Variants in MUC17 observed in about 807,000 individuals in gnomAD.
MUC17 encodes mucin-17.
MUC17 carries 190 observed loss-of-function variants against 170.3 expected under a neutral mutation model. The ratio of observed to expected loss-of-function variants is 1.12; its 90% confidence interval spans 0.99 to 1.26. MUC17 has a LOEUF of 1.26. Ranked by LOEUF, MUC17 falls within the 50% of genes most tolerant of loss-of-function variation. MUC17 has a pLI of 0.00. For synonymous variants in MUC17, 2,325 were observed against 2,002.5 expected, an observed-to-expected ratio of 1.16 and a Z score of -4.30; for missense variants, 6,415 against 5,530.0, an observed-to-expected ratio of 1.16 and a Z score of -5.08.
intron 3 of MUC17, among the ~76,000 whole-genome samples, chr7:101,044,682 A>G (rs1794803097): frequency 6.6e-6 from 1 of 152,180 alleles, no homozygotes; most frequent in South Asian, 2.1e-4. Flanking sequence ...TGCACTTTGT[A>G]TGCCATGATG....
At position 101,051,864 on chromosome 7, in the gene MUC17, G is replaced by C. The variant is rs766997074; in HGVS notation, c.13005G>C (p.Gln4335His). Residue 4335 changes from glutamine to histidine, a missense_variant, in exon 9 of 13, where the codon CAG (glutamine) becomes CAC (histidine). By Grantham distance (24) the Gln-to-His change is conservative. Coordinates refer to ENST00000306151, the MANE Select transcript of MUC17 (RefSeq NM_001040105.2). ...GDYFVVEYRDQKPYCISPCEP... is the reference protein window; with the variant it reads ...GDYFVVEYRDHKPYCISPCEP... Reference sequence around the variant, plus strand: ...ACTTCGTAGTGGAGTACCGGGACCAGAAGCCATACTGCATCAGCCCCTGTG... The same window carrying C: ...ACTTCGTAGTGGAGTACCGGGACCACAAGCCATACTGCATCAGCCCCTGTG... The C allele has an allele frequency of 1.2e-6, 2 of 1,614,224 alleles. No individual in the cohort carries two copies. Among genetic ancestry groups the C allele is most frequent in the South Asian group, 2.2e-5 (2 of 91,090 alleles).
intron 7 of MUC17, among the ~76,000 whole-genome samples, chr7:101,051,280 G>T (rs573436962): frequency 5.5e-5 from 8 of 144,742 alleles, no homozygotes; most frequent in African/African-American, 1.8e-4. Flanking sequence ...CAGGAGAATC[G>T]CTTGAAACCG....
In MUC17 at chr7:101,051,844, G is replaced by A. The variant is rs149074951; in HGVS notation, c.12985G>A (p.Val4329Ile). 4 of 1,614,084 alleles carry A rather than the reference G, an allele frequency of 2.5e-6. No individual in the cohort carries two copies. In the African/African-American group the frequency reaches 5.3e-5, roughly 22 times the overall value. ...GGCCAAGGAATATGGAGACTACTTC[G>A]TAGTGGAGTACCGGGACCAGAAGCC... Reference protein sequence around the residue: ...KMAKEYGDYFVVEYRDQKPYC... With the variant: ...KMAKEYGDYFIVEYRDQKPYC... The change falls in exon 9 of 13, where the codon GTA becomes ATA. Residue 4329 changes from valine to isoleucine, a missense_variant. Coordinates refer to ENST00000306151, the MANE Select transcript of MUC17 (RefSeq NM_001040105.2).
rs749109556 is a variant in MUC17, at chr7:101,042,819, C to G, written c.11403C>G (p.Thr3801=). ...CATCTCCTACAACTCTTGAAGGCAC[C>G]ACCACCATGCCTATGTCAACTACGA... is the stretch of plus-strand genomic sequence containing the variant. ...GSSSPTTLEG[T]TTMPMSTTSE... The change falls in exon 3 of 13, where the codon ACC becomes ACG. Residue 3801 remains threonine, a synonymous_variant. Transcript: ENST00000306151. The G allele has an allele frequency of 3.0e-5, 48 of 1,614,002 alleles. No individual in the cohort carries two copies. The highest frequency in any genetic ancestry group is 5.3e-5 in the African/African-American group (4 of 74,892).
In MUC17 at chr7:101,033,145, G is replaced by A. The variant is rs147282404; in HGVS notation, c.1729G>A (p.Val577Ile). Residue 577 changes from valine (V) to isoleucine (I), a missense_variant, in exon 3 of 13, where the codon GTC (valine) becomes ATC (isoleucine). Physicochemically the swap from Val to Ile is conservative, Grantham distance 29. Transcript: ENST00000306151. ...EGSTPLTNMP[V>I]STRLVVSSEA... ...AAGCACTCCATTAACAAACATGCCT[G>A]TCAGCACCAGGCTGGTGGTCAGTTC... 9 of 1,611,828 alleles carry A rather than the reference G, an allele frequency of 5.6e-6. No individual in the cohort carries two copies. In the African/African-American group the frequency reaches 9.4e-5, roughly 17 times the overall value.
At chr7:101,054,810 C>A (rs1032081413) in intron 11 of MUC17, among the ~76,000 whole-genome samples, 4 of 151,234 alleles carry the variant, frequency 2.6e-5, no homozygotes, top group Non-Finnish European at 5.9e-5. Flanking sequence ...CAGAGCAAGA[C>A]CCTGTCTCTA....
chr7:101,033,973 A>G lies in MUC17; in HGVS notation c.2557A>G (p.Thr853Ala), dbSNP rs768289803. 3.1e-6 allele frequency: 5 copies of G among 1,602,958 alleles called. No individual in the cohort carries two copies. The highest frequency in any genetic ancestry group is 4.3e-6 in the Non-Finnish European group (5 of 1,173,824). ...TTCATCTCCTACACCTGCTGAAGGT[A>G]CCAGCATGCCAACCTCAACTTATAG... is the stretch of plus-strand genomic sequence containing the variant. ...VSSSPTPAEG[T>A]SMPTSTYSEG... The change falls in exon 3 of 13, where the codon ACC becomes GCC. Residue 853 changes from threonine to alanine, a missense_variant. Physicochemically the swap from Thr to Ala is moderately conservative, Grantham distance 58 (BLOSUM62 0). Transcript: ENST00000306151.
chr7:101,056,817 C>T (rs1399584836), intron 12 of MUC17, among the ~76,000 whole-genome samples: 1 of 151,898 alleles, frequency 6.6e-6, no homozygotes, highest in East Asian at 1.9e-4. Context: ...CCAATGTTTC[C>T]AATTAGCCCA....
Position 101,034,295 on chromosome 7 carries a change from A to C in MUC17, c.2879A>C (p.Glu960Ala). 6.2e-7 allele frequency: 1 copy of C among 1,610,036 alleles called. No individual in the cohort carries two copies. Among genetic ancestry groups the C allele is most frequent in the Non-Finnish European group, 8.5e-7 (1 of 1,178,472 alleles). ...AGCACACCTGTGACCACTTCTACTG[A>C]AGCCACTTCATCTCCTACAACTGCT... is the stretch of plus-strand genomic sequence containing the variant. ...DTSTPVTTSTEATSSPTTAEG... is the reference protein window; with the variant it reads ...DTSTPVTTSTAATSSPTTAEG... Residue 960 changes from glutamate to alanine, a missense_variant, in exon 3 of 13, where the codon GAA (glutamate) becomes GCA (alanine). Physicochemically the swap from Glu to Ala is moderately radical, Grantham distance 107. Transcript: ENST00000306151.
In MUC17 at chr7:101,043,694, C is replaced by A. The variant is rs1322429419; in HGVS notation, c.12278C>A (p.Thr4093Asn). The A allele has an allele frequency of 6.2e-7, 1 of 1,614,082 alleles. No individual in the cohort carries two copies. The highest frequency in any genetic ancestry group is 1.3e-5 in the African/African-American group (1 of 74,930). The change falls in exon 3 of 13, where the codon ACC becomes AAC. Residue 4093 changes from threonine (T) to asparagine (N), a missense_variant. Physicochemically the swap from Thr to Asn is moderately conservative, Grantham distance 65. Transcript: ENST00000306151. The part of the protein sequence containing the change: ...TVNPEAVTTM[T>N]TRTKPSTRTT... ...AACCCTGAGGCTGTCACCACCATGACCACCAGGACAAAACCCAGCACACGG... is the reference window on the plus strand; with the variant it reads ...AACCCTGAGGCTGTCACCACCATGAACACCAGGACAAAACCCAGCACACGG...
rs776098023 is a variant in MUC17, at chr7:101,040,431, C to T, written c.9015C>T (p.Ser3005=). ...STMPVASSEA[S]TLSRTPADTS... is the part of the protein sequence containing the mutation. ...TGCCGGTGGCCAGTTCTGAGGCTAG[C>T]ACCCTTTCAAGAACTCCTGCTGACA... The change falls in exon 3 of 13, where the codon AGC becomes AGT. Residue 3005 remains serine, a synonymous_variant. Coordinates refer to ENST00000306151, the MANE Select transcript of MUC17 (RefSeq NM_001040105.2). 5 of 1,611,758 alleles carry T rather than the reference C, an allele frequency of 3.1e-6. No individual in the cohort carries two copies. The highest frequency in any genetic ancestry group is 2.5e-6 in the Non-Finnish European group (3 of 1,179,028).
chr7:101,033,713 C>T lies in MUC17; in HGVS notation c.2297C>T (p.Thr766Ile). 3 of 1,613,586 alleles carry T rather than the reference C, an allele frequency of 1.9e-6. No individual in the cohort carries two copies. The highest frequency in any genetic ancestry group is 1.7e-4 in the Middle Eastern group (1 of 6,060). The part of the protein sequence containing the change: ...KTLLTSSEAS[T>I]LSTTPLDTST... Reference sequence around the variant, plus strand: ...CTGTTGACCAGTTCTGAGGCTAGCACCCTTTCAACAACTCCTCTTGACACA... The same window carrying T: ...CTGTTGACCAGTTCTGAGGCTAGCATCCTTTCAACAACTCCTCTTGACACA... The change falls in exon 3 of 13, where the codon ACC (threonine) becomes ATC (isoleucine). Residue 766 changes from threonine (T) to isoleucine (I), a missense_variant. Transcript: ENST00000306151.
In MUC17 at chr7:101,029,501, G is replaced by T. The variant is rs183066899; in HGVS notation, c.83-1619G>T. On this transcript the variant is annotated intron_variant, in intron 1 of 12. Transcript: ENST00000306151. Reference sequence around the variant, plus strand: ...TTCTCTCCATCGTTCATGTTTTCTTGACTGTTCATACTCAGTAATGATTCA... The same window carrying T: ...TTCTCTCCATCGTTCATGTTTTCTTTACTGTTCATACTCAGTAATGATTCA... Among the ~76,000 whole-genome samples the T allele has an allele frequency of 1.2e-3, 188 of 152,168 alleles. 1 individual carries two copies. The highest frequency in any genetic ancestry group is 4.4e-3 in the African/African-American group (181 of 41,490).
intron 1 of MUC17, among the ~76,000 whole-genome samples, chr7:101,023,131 C>T (rs1310058848): frequency 6.6e-6 from 1 of 152,044 alleles, no homozygotes; most frequent in African/African-American, 2.4e-5. Flanking sequence ...CTCTGGCGTT[C>T]CTGGGCTGGT....
rs1239193143 is a variant in MUC17, at chr7:101,041,943, A to T, written c.10527A>T (p.Thr3509=). The T allele has an allele frequency of 9.5e-6, 15 of 1,583,028 alleles. No homozygotes were observed. Among genetic ancestry groups the T allele is most frequent in the Non-Finnish European group, 1.3e-5 (15 of 1,167,400 alleles). Residue 3509 remains threonine (T), a synonymous_variant, in exon 3 of 13, where the codon ACA becomes ACT. Coordinates refer to ENST00000306151, the MANE Select transcript of MUC17 (RefSeq NM_001040105.2). ...CTGCTGAAGTTACCAGCATGCCAAC[A>T]TCAACTGCTGGTGAAGGAAGCACTC... is the stretch of plus-strand genomic sequence containing the variant. ...PTTAEVTSMP[T]STAGEGSTPL...
intron 7 of MUC17, among the ~76,000 whole-genome samples, chr7:101,050,882 G>A (rs1429756973): frequency 6.6e-6 from 1 of 152,102 alleles, no homozygotes; most frequent in African/African-American, 2.4e-5. Flanking sequence ...GGCAAATGGA[G>A]AGAGTAGGAG....
Position 101,036,977 on chromosome 7 carries a change from G to T in MUC17, c.5561G>T (p.Gly1854Val), listed in dbSNP as rs774209536. ...AVSSSPTPAE[G>V]TSIATSTPSE... ...AGTTCATCTCCTACACCTGCTGAAG[G>T]TACCAGCATAGCAACCTCAACGCCT... The change falls in exon 3 of 13, where the codon GGT (glycine) becomes GTT (valine). Residue 1854 changes from glycine to valine, a missense_variant. Physicochemically the swap from Gly to Val is moderately radical, Grantham distance 109 (BLOSUM62 -3). Coordinates refer to ENST00000306151, the MANE Select transcript of MUC17 (RefSeq NM_001040105.2). The T allele has an allele frequency of 5.0e-6, 8 of 1,584,192 alleles. No individual in the cohort carries two copies. Among genetic ancestry groups the T allele is most frequent in the Admixed American group, 3.4e-5 (2 of 58,238 alleles).
At position 101,020,159 on chromosome 7, in the gene MUC17, G is replaced by A. The variant is rs201028335; in HGVS notation, c.24G>A (p.Ala8=). The change falls in exon 1 of 13, where the codon GCG becomes GCA. Residue 8 remains alanine, a synonymous_variant. Transcript: ENST00000306151. ...CGATGCCAAGGCCAGGGACCATGGC[G>A]CTGTGTCTGCTGACCTTGGTCCTCT... is the stretch of plus-strand genomic sequence containing the variant. MPRPGTM[A]LCLLTLVLSL... 4.4e-6 allele frequency: 7 copies of A among 1,607,696 alleles called. No homozygotes were observed. The highest frequency in any genetic ancestry group is 2.7e-5 in the African/African-American group (2 of 74,776).
intron 6 of MUC17, among the ~76,000 whole-genome samples, chr7:101,050,001 T>C (rs1287746782): frequency 6.6e-6 from 1 of 152,068 alleles, no homozygotes. Context: ...TATGGTGGTA[T>C]ACACCTGTAG....
Sources: gnomAD v4.1 joint callset for allele counts (sites outside exome capture counted in the v4.1 genomes callset) on GRCh38, gnomAD v4.1.1 for gene constraint, MANE v1.5 for transcripts, NCBI Gene and HGNC (gene_info 2026-07-23, HGNC 2026-07-21) for gene names.